PMVK: variants seen among roughly 807,000 people sequenced by gnomAD.
PMVK encodes phosphomevalonate kinase.
Under a neutral mutation model 19.0 loss-of-function variants are expected in PMVK, and 10 were observed. That is an observed-to-expected ratio of 0.53 (90% CI 0.32 to 0.89). The LOEUF (loss-of-function observed/expected upper bound fraction) is 0.89, where lower values mean the gene tolerates loss of function less well. Among genes scored for constraint, PMVK ranks in the 40% least tolerant of loss-of-function variants. PMVK has a pLI of 0.03. For missense variants in PMVK, 222 were observed against 251.1 expected, an observed-to-expected ratio of 0.88 and a Z score of 0.78; for synonymous variants, 108 against 101.6, an observed-to-expected ratio of 1.06 and a Z score of -0.38.
upstream of PMVK, among the ~76,000 whole-genome samples, chr1:154,941,600 AG>A (rs1430429283): frequency 1.3e-5 from 2 of 152,112 alleles, no homozygotes; most frequent in African/African-American, 4.8e-5. Context: ...ACAGCCAGCC[AG>A]TCCAGTGTGT....
intron 3 of PMVK, 149 bp from the exon 4 acceptor site, chr1:154,926,632 G>A: frequency 1.6e-6 from 1 of 635,676 alleles, no homozygotes; most frequent in South Asian, 2.0e-5. Flanking sequence ...ACTATTCACG[G>A]ATTCATTCAT....
chr1:154,927,496 C>T (rs546697869), intron 3 of PMVK, among the ~76,000 whole-genome samples: 2 of 151,652 alleles, frequency 1.3e-5, no homozygotes, highest in East Asian at 1.9e-4. Flanking sequence ...GTCCTCCACC[C>T]GGCCCCTGTG....
upstream of PMVK, among the ~76,000 whole-genome samples, chr1:154,939,751 G>A (rs1479679912): frequency 5.3e-5 from 8 of 150,542 alleles, no homozygotes; most frequent in African/African-American, 1.7e-4. Flanking sequence ...CCACCTAGAT[G>A]ACAGCCATGG....
At chr1:154,927,505 T>C (rs2101966818) in intron 3 of PMVK, among the ~76,000 whole-genome samples, 1 of 149,210 alleles carries the variant, frequency 6.7e-6, no homozygotes, top group African/African-American at 2.5e-5. Flanking sequence ...CCGGCCCCTG[T>C]GCTTCTGCTC....
chr1:154,928,388 T>C (rs1293017891), intron 3 of PMVK, among the ~76,000 whole-genome samples: 1 of 152,198 alleles, frequency 6.6e-6, no homozygotes, highest in African/African-American at 2.4e-5. Context: ...GAAGTTCATG[T>C]GAAGGATTTT....
At chr1:154,929,502 C>A (rs954473598) in intron 2 of PMVK, among the ~76,000 whole-genome samples, 2 of 152,112 alleles carry the variant, frequency 1.3e-5, no homozygotes, top group Non-Finnish European at 2.9e-5. Context: ...TAGTTTGCAT[C>A]CCCTGGGCAA....
chr1:154,936,827 G>A, upstream of PMVK: 1 of 705,054 alleles, frequency 1.4e-6, no homozygotes, highest in Non-Finnish European at 2.4e-6. Flanking sequence ...CTGCGAACAG[G>A]GCTGACCGCC....
upstream of PMVK, among the ~76,000 whole-genome samples, chr1:154,939,290 C>CAAT (rs1246998995): frequency 6.6e-6 from 1 of 152,172 alleles, no homozygotes; most frequent in Non-Finnish European, 1.5e-5. Context: ...GTCACTTGCT[C>CAAT]AAATACTCCC....
At chr1:154,927,217 G>A (rs763786987) in intron 3 of PMVK, among the ~76,000 whole-genome samples, 10 of 152,000 alleles carry the variant, frequency 6.6e-5, no homozygotes, top group Admixed American at 3.3e-4. Context: ...TTGGGAGGCC[G>A]AGGTGGGTGG....
chr1:154,942,493 G>A, the PMVK span, among the ~76,000 whole-genome samples: 3 of 152,354 alleles, frequency 2.0e-5, no homozygotes, highest in South Asian at 2.1e-4. Context: ...TGATGAGTGC[G>A]AGGATCGCCT....
chr1:154,936,000 T>G (rs1026649747), intron 1 of PMVK, among the ~76,000 whole-genome samples: 2 of 152,192 alleles, frequency 1.3e-5, no homozygotes, highest in Non-Finnish European at 2.9e-5. Context: ...CCTGTTTAAC[T>G]TTTTAAGAGC....
intron 3 of PMVK, among the ~76,000 whole-genome samples, chr1:154,928,486 T>C (rs1654236714): frequency 6.6e-6 from 1 of 152,166 alleles, no homozygotes; most frequent in African/African-American, 2.4e-5. Context: ...AAAAGGTCAG[T>C]CTGGGCCGCA....
intron 4 of PMVK, among the ~76,000 whole-genome samples, chr1:154,925,856 A>G (rs1654138870): frequency 6.6e-6 from 1 of 152,354 alleles, no homozygotes; most frequent in South Asian, 2.1e-4. Flanking sequence ...CCCAGAAATG[A>G]GCAGCATTAG....
chr1:154,932,523 G>A (rs1368970698), intron 1 of PMVK, 108 bp from the exon 2 acceptor site: 1 of 661,938 alleles, frequency 1.5e-6, no homozygotes, highest in Non-Finnish European at 2.6e-6. Flanking sequence ...TCTACTACTG[G>A]TATTATGTAA....
At chr1:154,928,554 C>T (rs1401014185) in intron 3 of PMVK, among the ~76,000 whole-genome samples, 1 of 152,040 alleles carries the variant, frequency 6.6e-6, no homozygotes, top group African/African-American at 2.4e-5. Flanking sequence ...GGTGGATCAC[C>T]TGAGGTCAGG....
chr1:154,926,296 A>G, intron 4 of PMVK, 58 bp downstream of exon 4: 1 of 1,556,506 alleles, frequency 6.4e-7, no homozygotes, highest in Non-Finnish European at 8.8e-7. Flanking sequence ...TGCCCGGTAG[A>G]CAAACCACAG....
intron 4 of PMVK, 43 bp downstream of exon 4, chr1:154,926,311 G>T (rs769650160): frequency 6.3e-7 from 1 of 1,584,118 alleles, no homozygotes; most frequent in Non-Finnish European, 8.6e-7. Flanking sequence ...CCACAGGGTG[G>T]GTAGCCTGTG....
chr1:154,927,448 C>CAAA (rs59872946), intron 3 of PMVK, among the ~76,000 whole-genome samples: 7 of 35,532 alleles, frequency 2.0e-4, no homozygotes, highest in Middle Eastern at 0.013. Flanking sequence ...GACTCTGTCT[C>CAAA]AAAAAAAAAA....
chr1:154,942,018 G>C, the PMVK span, among the ~76,000 whole-genome samples: 8 of 152,132 alleles, frequency 5.3e-5, no homozygotes, highest in Non-Finnish European at 8.8e-5. Flanking sequence ...TGAGTTTTTG[G>C]GACTGGCCAA....
Sources: gnomAD v4.1 joint callset for allele counts (sites outside exome capture counted in the v4.1 genomes callset) on GRCh38, gnomAD v4.1.1 for gene constraint, MANE v1.5 for transcripts, NCBI Gene and HGNC (gene_info 2026-07-23, HGNC 2026-07-21) for gene names.